The following GPR158 variants were observed in gnomAD, a reference collection of about 807,000 sequenced individuals.
GPR158 encodes metabotropic glycine receptor.
GPR158 carries 30 observed loss-of-function variants against 78.2 expected under a neutral mutation model. The ratio of observed to expected loss-of-function variants is 0.38; its 90% CI spans 0.29 to 0.52. The LOEUF (loss-of-function observed/expected upper bound fraction) is 0.52. Among genes scored for constraint, GPR158 ranks in the 20% least tolerant of loss-of-function variants. The pLI is 0.83. For missense variants in GPR158, 1,463 were observed against 1,523.5 expected (o/e 0.96, Z 0.66); for synonymous variants, 581 against 591.1 (o/e 0.98, Z 0.25).
intron 4 of GPR158, among the ~76,000 whole-genome samples, chr10:25,456,122 A>G (rs1407710012): frequency 1.3e-5 from 2 of 152,176 alleles, no homozygotes; most frequent in African/African-American, 2.4e-5. Flanking sequence ...GTCAAATACA[A>G]TACTGCTATT....
At chr10:25,269,947 T>C (rs1854095115) in intron 2 of GPR158, among the ~76,000 whole-genome samples, 1 of 152,142 alleles carries the variant, frequency 6.6e-6, no homozygotes, top group African/African-American at 2.4e-5. Flanking sequence ...TAAGCTAGAG[T>C]CTCAGATTCT....
chr10:25,238,263 A>G (rs1335871159), intron 2 of GPR158, among the ~76,000 whole-genome samples: 1 of 152,198 alleles, frequency 6.6e-6, no homozygotes, highest in Non-Finnish European at 1.5e-5. Context: ...CCCGAAGTAG[A>G]TGAAACTGTG....
chr10:25,247,920 A>G (rs1172965959), intron 2 of GPR158, among the ~76,000 whole-genome samples: 1 of 148,760 alleles, frequency 6.7e-6, no homozygotes, highest in African/African-American at 2.5e-5. Flanking sequence ...GAACTAGTTT[A>G]CAGTCCCACC....
chr10:25,289,647 C>T (rs947416345), intron 2 of GPR158, among the ~76,000 whole-genome samples: 1 of 152,040 alleles, frequency 6.6e-6, no homozygotes, highest in African/African-American at 2.4e-5. Flanking sequence ...GTCTCAATCT[C>T]CTGACCTCTT....
rs1316786523 is a variant in GPR158, at chr10:25,597,699, A to G, written c.2146-73A>G. 2.5e-5 allele frequency: 30 copies of G among 1,208,574 alleles called. No individual in the cohort carries two copies. In the East Asian group the frequency reaches 4.3e-4, roughly 17 times the overall value. The allele number at this position is 1,208,574 out of a possible 1,614,324, so 74.9% of individuals were successfully genotyped here. A position where few individuals can be genotyped will look rare whatever the true frequency, so the allele number is the denominator to read the frequency against. On this transcript the variant is annotated intron_variant, in intron 10 of 10. Transcript: ENST00000376351. ...TAGAGCCCAAGTTTACTGAATTCCA[A>G]TACCATGTAGTGATCTTCTATGACT...
intron 4 of GPR158, among the ~76,000 whole-genome samples, chr10:25,442,765 C>A (rs544274875): frequency 6.6e-6 from 1 of 151,942 alleles, no homozygotes; most frequent in African/African-American, 2.4e-5. Context: ...AGTTTTACAG[C>A]GTCGAATCGA....
intron 5 of GPR158, among the ~76,000 whole-genome samples, chr10:25,523,267 A>G (rs1330380481): frequency 6.6e-6 from 1 of 152,226 alleles, no homozygotes; most frequent in East Asian, 1.9e-4. Flanking sequence ...GAGAAGGGCT[A>G]GAAATGGAAG....
At chr10:25,436,302 A>G (rs1050448970) in intron 4 of GPR158, among the ~76,000 whole-genome samples, 1 of 152,218 alleles carries the variant, frequency 6.6e-6, no homozygotes, top group East Asian at 1.9e-4. Context: ...TAACCTGTCT[A>G]TGAGAAATCC....
intron 2 of GPR158, among the ~76,000 whole-genome samples, chr10:25,256,243 C>T (rs1853886953): frequency 6.6e-6 from 1 of 151,700 alleles, no homozygotes; most frequent in Non-Finnish European, 1.5e-5. Context: ...CTATTATAAT[C>T]CAAAAATATA....
chr10:25,565,708 G>A (rs1016365831), intron 6 of GPR158, among the ~76,000 whole-genome samples: 3 of 152,166 alleles, frequency 2.0e-5, no homozygotes, highest in Non-Finnish European at 2.9e-5. Flanking sequence ...ACATTAGGGG[G>A]ATTAGAACAG....
chr10:25,202,396 C>T lies in GPR158; in HGVS notation c.903-18656C>T, dbSNP rs1354434759. 2.0e-5 allele frequency among the ~76,000 whole-genome samples: 3 copies of T among 152,202 alleles called. No individual in the cohort carries two copies. In the East Asian group the frequency reaches 5.8e-4, roughly 29 times the overall value. Reference sequence around the variant, plus strand: ...TTAGGTATTTCCCCTAATGCTATCTCTACCCACTCCCGCCACCCCACAACA... The same window carrying T: ...TTAGGTATTTCCCCTAATGCTATCTTTACCCACTCCCGCCACCCCACAACA... On this transcript the variant is annotated intron_variant, in intron 1 of 10. Transcript: ENST00000376351.
chr10:25,541,759 G>A (rs534112549), intron 5 of GPR158, among the ~76,000 whole-genome samples: 61 of 151,808 alleles, frequency 4.0e-4, no homozygotes, highest in African/African-American at 1.4e-3. Context: ...TACACACAAG[G>A]TTTAGTTTAG....
chr10:25,212,244 G>C (rs902720468), intron 1 of GPR158, among the ~76,000 whole-genome samples: 3 of 152,170 alleles, frequency 2.0e-5, no homozygotes, highest in African/African-American at 7.2e-5. Flanking sequence ...AAGCATGGCA[G>C]CATCTGCTTC....
At chr10:25,262,523 A>C (rs1355772110) in intron 2 of GPR158, among the ~76,000 whole-genome samples, 1 of 152,172 alleles carries the variant, frequency 6.6e-6, no homozygotes, top group Non-Finnish European at 1.5e-5. Flanking sequence ...AAATACCCAC[A>C]AATTTCTAGG....
chr10:25,347,246 C>T (rs1206349621), intron 2 of GPR158, among the ~76,000 whole-genome samples: 1 of 151,890 alleles, frequency 6.6e-6, no homozygotes, highest in Non-Finnish European at 1.5e-5. Context: ...TGGCTCATGT[C>T]CCCTTTCTCT....
chr10:25,450,083 A>T (rs1835193624), intron 4 of GPR158, among the ~76,000 whole-genome samples: 1 of 152,032 alleles, frequency 6.6e-6, no homozygotes, highest in Non-Finnish European at 1.5e-5. Context: ...AAAACAAAAA[A>T]CTAAAACCAC....
At chr10:25,345,563 A>G (rs965319913) in intron 2 of GPR158, among the ~76,000 whole-genome samples, 1 of 152,038 alleles carries the variant, frequency 6.6e-6, no homozygotes, top group African/African-American at 2.4e-5. Flanking sequence ...GAGAGATACC[A>G]GCCCTATTCT....
intron 4 of GPR158, among the ~76,000 whole-genome samples, chr10:25,435,820 C>T (rs1036775755): frequency 6.6e-6 from 1 of 152,120 alleles, no homozygotes; most frequent in African/African-American, 2.4e-5. Context: ...GACAAGAAGT[C>T]TCTTGAATTA....
intron 2 of GPR158, among the ~76,000 whole-genome samples, chr10:25,392,969 G>GC (rs1181828849): frequency 3.3e-5 from 5 of 151,904 alleles, no homozygotes; most frequent in Non-Finnish European, 5.9e-5. Flanking sequence ...AATTGACAAA[G>GC]TTTTTTTTCT....
Sources: gnomAD v4.1 joint callset for allele counts (sites outside exome capture counted in the v4.1 genomes callset) on GRCh38, gnomAD v4.1.1 for gene constraint, MANE v1.5 for transcripts, NCBI Gene and HGNC (gene_info 2026-07-23, HGNC 2026-07-21) for gene names.